The following LRRC1 variants were observed in gnomAD, a reference collection of about 807,000 sequenced individuals.
LRRC1 encodes leucine-rich repeat-containing protein 1.
Under a neutral mutation model 69.9 loss-of-function variants are expected in LRRC1, and 28 were observed. The observed-to-expected ratio is 0.40, with a 90% CI of 0.30 to 0.55. The LOEUF is 0.55. LRRC1 is among the 20% of genes least tolerant of loss of function. The pLI is 0.47. For synonymous variants in LRRC1, 236 were observed against 240.2 expected (o/e 0.98, Z 0.16); for missense variants, 498 against 609.0 (o/e 0.82, Z 1.92).
At chr6:53,818,530 A>G (rs969474272) in intron 1 of LRRC1, among the ~76,000 whole-genome samples, 3 of 152,214 alleles carry the variant, frequency 2.0e-5, no homozygotes, top group African/African-American at 7.2e-5. Context: ...ATTATTTGTC[A>G]CAGAGGAACT....
intron 2 of LRRC1, among the ~76,000 whole-genome samples, chr6:53,876,137 A>G (rs1272689685): frequency 2.0e-5 from 3 of 152,152 alleles, no homozygotes; most frequent in South Asian, 4.1e-4. Flanking sequence ...CCTCACAATC[A>G]TGGTGGAAGA....
rs552434754 is a variant in LRRC1, at chr6:53,845,706, G to A, written c.277+3479G>A. Among the ~76,000 whole-genome samples, 7 of 152,356 alleles carry A rather than the reference G, an allele frequency of 4.6e-5. No individual in the cohort carries two copies. The South Asian group carries it at 1.2e-3, about 27-fold the overall frequency. On this transcript the variant is annotated intron_variant, in intron 2 of 13. Coordinates refer to ENST00000370888, the MANE Select transcript of LRRC1 (RefSeq NM_018214.5). ...GAGTTAATGCTTATCATACTTGAAT[G>A]TGCAAGGAATTATCTGAGACTTTTG...
Position 53,854,092 on chromosome 6 carries a change from G to A in LRRC1, c.277+11865G>A, listed in dbSNP as rs529810565. Among the ~76,000 whole-genome samples, 8 of 152,220 alleles carry A rather than the reference G, an allele frequency of 5.3e-5. No individual in the cohort carries two copies. The South Asian group carries it at 8.3e-4, about 16-fold the overall frequency. On this transcript the variant is annotated intron_variant, in intron 2 of 13. Coordinates refer to ENST00000370888, the MANE Select transcript of LRRC1 (RefSeq NM_018214.5). ...CTTCTCTGAGCAAACCAACTGACCT[G>A]GCAACTGGTCAACTCTGACCTGGTT...
intron 2 of LRRC1, among the ~76,000 whole-genome samples, chr6:53,872,181 C>T (rs1766908529): frequency 6.6e-6 from 1 of 152,040 alleles, no homozygotes; most frequent in Non-Finnish European, 1.5e-5. Context: ...TCCGGTTTTT[C>T]CAGCGCACCT....
At chr6:53,896,723 A>C in intron 5 of LRRC1, 106 bp from the exon 6 acceptor site, 2 of 996,174 alleles carry the variant, frequency 2.0e-6, no homozygotes, top group Non-Finnish European at 3.1e-6. Flanking sequence ...TCTACCATAA[A>C]AATAAAAATG....
intron 1 of LRRC1, among the ~76,000 whole-genome samples, chr6:53,817,136 C>T (rs527867432): frequency 3.3e-5 from 5 of 152,132 alleles, no homozygotes; most frequent in Non-Finnish European, 7.3e-5. Context: ...TGTCTGATGA[C>T]CCACTTGCAT....
In LRRC1 at chr6:53,845,587, G is replaced by C. The variant is rs553674722; in HGVS notation, c.277+3360G>C. ...GGTCCCTGCCCCGCCTCAGTGGTTT[G>C]TAGCAGGGTTATAACCAGGGCTGGC... On this transcript the variant is annotated intron_variant, in intron 2 of 13. Transcript: ENST00000370888. Among the ~76,000 whole-genome samples the C allele has an allele frequency of 5.3e-5, 8 of 152,274 alleles. No homozygotes were observed. The South Asian group carries it at 1.7e-3, about 32-fold the overall frequency.
chr6:53,813,484 G>A (rs1182747189), intron 1 of LRRC1, among the ~76,000 whole-genome samples: 2 of 149,530 alleles, frequency 1.3e-5, no homozygotes, highest in East Asian at 2.0e-4. Flanking sequence ...AGCTGCCCCT[G>A]CCCAACTTTA....
At chr6:53,847,244 G>A (rs568205548) in intron 2 of LRRC1, among the ~76,000 whole-genome samples, 4 of 152,032 alleles carry the variant, frequency 2.6e-5, no homozygotes, top group South Asian at 4.2e-4. Flanking sequence ...CTTTGAATTC[G>A]TGTTAGTGAT....
chr6:53,826,136 G>GC (rs1444940472), intron 1 of LRRC1, among the ~76,000 whole-genome samples: 1 of 150,456 alleles, frequency 6.6e-6, no homozygotes, highest in African/African-American at 2.4e-5. Flanking sequence ...ACTCCTGCCA[G>GC]CCCCCTGCCT....
rs949206906 is a variant in LRRC1, at chr6:53,804,552, A to G, written c.159+9137A>G. On this transcript the variant is annotated intron_variant, in intron 1 of 13. Coordinates refer to ENST00000370888, the MANE Select transcript of LRRC1 (RefSeq NM_018214.5). ...TAACACCATATCTTGGACATTTTTC[A>G]TATCGATGTATATAGAAGTATTATA... Among the ~76,000 whole-genome samples the G allele has an allele frequency of 2.6e-5, 4 of 152,230 alleles. 1 individual carries two copies. The highest frequency in any genetic ancestry group is 7.2e-5 in the African/African-American group (3 of 41,458).
chr6:53,802,670 C>A (rs1764519340), intron 1 of LRRC1, among the ~76,000 whole-genome samples: 1 of 152,074 alleles, frequency 6.6e-6, no homozygotes, highest in Non-Finnish European at 1.5e-5. Context: ...TAAAAATGTA[C>A]CAGCAGTGAC....
chr6:53,893,724 A>T (rs951652698), intron 4 of LRRC1, among the ~76,000 whole-genome samples: 1 of 152,194 alleles, frequency 6.6e-6, no homozygotes, highest in Non-Finnish European at 1.5e-5. Flanking sequence ...GAAATATTAT[A>T]AAAATATGAT....
At chr6:53,887,481 G>C (rs1446137166) in intron 4 of LRRC1, among the ~76,000 whole-genome samples, 1 of 147,982 alleles carries the variant, frequency 6.8e-6, no homozygotes, top group Non-Finnish European at 1.5e-5. Flanking sequence ...GTCTCGGTGG[G>C]GTAGGGACTC....
intron 2 of LRRC1, among the ~76,000 whole-genome samples, chr6:53,875,644 A>C (rs1352586669): frequency 6.6e-6 from 1 of 152,236 alleles, no homozygotes; most frequent in East Asian, 1.9e-4. Flanking sequence ...TACTGATACC[A>C]CCACATGAAA....
chr6:53,873,663 A>G (rs2127428101), intron 2 of LRRC1, among the ~76,000 whole-genome samples: 1 of 152,162 alleles, frequency 6.6e-6, no homozygotes. Context: ...TTTATTTACT[A>G]GTTCTCATGG....
intron 5 of LRRC1, 64 bp downstream of exon 5, chr6:53,896,618 A>G: frequency 7.0e-7 from 1 of 1,423,982 alleles, no homozygotes; most frequent in Non-Finnish European, 9.9e-7. Context: ...TTAAAAAAAC[A>G]GGACTACAGT....
intron 1 of LRRC1, among the ~76,000 whole-genome samples, chr6:53,811,650 A>G (rs1273449299): frequency 2.0e-5 from 3 of 152,238 alleles, no homozygotes; most frequent in Non-Finnish European, 2.9e-5. Flanking sequence ...TAGGCAGTTA[A>G]ACAGATTTTG....
chr6:53,819,541 G>A (rs1255363061), intron 1 of LRRC1, among the ~76,000 whole-genome samples: 2 of 152,044 alleles, frequency 1.3e-5, no homozygotes, highest in African/African-American at 2.4e-5. Context: ...TGTCTGCTTG[G>A]ACATCTGTAA....
Sources: allele counts gnomAD v4.1 joint callset (sites outside exome capture counted in the v4.1 genomes callset), GRCh38; gene constraint gnomAD v4.1.1; transcripts MANE v1.5; gene names NCBI Gene and HGNC (gene_info 2026-07-23, HGNC 2026-07-21).